The following GALK2 variants were observed in gnomAD, a reference collection of about 807,000 sequenced individuals.
The protein encoded by GALK2 is N-acetylgalactosamine kinase.
A neutral mutation model predicts 52.4 loss-of-function variants in GALK2; 36 were observed. The observed-to-expected ratio is 0.69, with a 90% CI of 0.53 to 0.91. GALK2 has a LOEUF of 0.91. Among genes scored for constraint, GALK2 ranks in the 40% least tolerant of loss-of-function variants. The pLI, the probability that GALK2 is intolerant of heterozygous loss-of-function variation, is 0.00. For synonymous variants in GALK2, 176 were observed against 199.1 expected, an observed-to-expected ratio of 0.88 and a Z score of 0.98; for missense variants, 579 against 559.1, an observed-to-expected ratio of 1.04 and a Z score of -0.36.
Position 49,319,630 on chromosome 15 carries a change from G to A in GALK2, c.994G>A (p.Ala332Thr), listed in dbSNP as rs368842223. The change falls in exon 9 of 10, where the codon GCA (alanine) becomes ACA (threonine). Residue 332 changes from alanine (A) to threonine (T), a missense_variant. Coordinates refer to ENST00000560031, the MANE Select transcript of GALK2 (RefSeq NM_002044.4). ...GCTCATCTTCAAACTCTATCAGCGG[G>A]CAAAGCATGTGTACAGCGAGGCTGC... The part of the protein sequence containing the change: ...DVLIFKLYQR[A>T]KHVYSEAARV... 1 of 1,613,972 alleles carries A rather than the reference G, an allele frequency of 6.2e-7. No homozygotes were observed. The highest frequency in any genetic ancestry group is 1.3e-5 in the African/African-American group (1 of 74,898).
chr15:49,327,875 A>G (rs974711680), intron 9 of GALK2, 77 bp from the exon 10 acceptor site: 4 of 1,366,298 alleles, frequency 2.9e-6, no homozygotes, highest in Non-Finnish European at 3.0e-6. Context: ...TAGATAGGCT[A>G]TGTGTTCTAC....
chr15:49,244,448 AGGATC>A (rs1435194302), intron 5 of GALK2, among the ~76,000 whole-genome samples: 1 of 152,208 alleles, frequency 6.6e-6, no homozygotes, highest in Non-Finnish European at 1.5e-5. Context: ...TCATAATCAA[AGGATC>A]AGAAATGTAA....
intron 8 of GALK2, among the ~76,000 whole-genome samples, chr15:49,299,709 G>GCTTTT (rs755536024): frequency 1.2e-5 from 1 of 85,194 alleles, no homozygotes. Context: ...TCTTGGTATT[G>GCTTTT]CTTTCTTTCT....
At chr15:49,321,614 A>G (rs1199463140) in intron 9 of GALK2, among the ~76,000 whole-genome samples, 2 of 152,188 alleles carry the variant, frequency 1.3e-5, no homozygotes, top group Admixed American at 6.5e-5. Context: ...GAGTACCATA[A>G]AATATTAGAT....
intron 8 of GALK2, among the ~76,000 whole-genome samples, chr15:49,314,329 A>T (rs752204180): frequency 7.2e-4 from 110 of 152,354 alleles, no homozygotes; most frequent in Admixed American, 1.3e-3. Flanking sequence ...GTAAAGCAAA[A>T]TACAATATAA....
At chr15:49,291,788 C>T (rs1375570956) in intron 7 of GALK2, among the ~76,000 whole-genome samples, 1 of 152,082 alleles carries the variant, frequency 6.6e-6, no homozygotes, top group East Asian at 1.9e-4. Context: ...AAGTGCTTCC[C>T]ATAAAGTCAC....
intron 3 of GALK2, among the ~76,000 whole-genome samples, chr15:49,356,365 C>T (rs1234733123): frequency 2.0e-5 from 3 of 149,626 alleles, no homozygotes; most frequent in African/African-American, 4.9e-5. Flanking sequence ...CACACATAGG[C>T]TCAAAATAAA....
intron 8 of GALK2, 40 bp downstream of exon 8, chr15:49,292,577 C>G (rs1192166681): frequency 6.6e-7 from 1 of 1,511,644 alleles, no homozygotes. Flanking sequence ...GTTATTCCCT[C>G]ACTTACAGCT....
At chr15:49,285,069 C>T (rs903829601) in intron 7 of GALK2, among the ~76,000 whole-genome samples, 1 of 152,054 alleles carries the variant, frequency 6.6e-6, no homozygotes, top group Non-Finnish European at 1.5e-5. Flanking sequence ...ATCTTTACTC[C>T]TCTACCTCCC....
At position 49,329,078 on chromosome 15, in the gene GALK2, T is replaced by C. The variant is rs2151122901; in HGVS notation, c.*919T>C. 1 of 996,802 alleles carries C rather than the reference T, an allele frequency of 1.0e-6. No individual in the cohort carries two copies. Among genetic ancestry groups the C allele is most frequent in the Admixed American group, 5.6e-5 (1 of 17,924 alleles). 61.7% of individuals were successfully genotyped at this position (996,802 alleles called of 1,614,324 possible). On this transcript the variant is annotated 3_prime_UTR_variant, in exon 10 of 10. Transcript: ENST00000560031. The stretch of plus-strand genomic sequence containing the variant: ...AATCCAAGAGGCACTTCCAAGAAAT[T>C]CCACACATTCCTTATATCCCTTTTT...
chr15:49,245,173 T>TA (rs1330809542), intron 5 of GALK2, among the ~76,000 whole-genome samples: 1 of 152,128 alleles, frequency 6.6e-6, no homozygotes, highest in Non-Finnish European at 1.5e-5. Context: ...GTAAGAGAGC[T>TA]AAAATCCTCA....
intron 9 of GALK2, among the ~76,000 whole-genome samples, chr15:49,322,386 T>A (rs2036948371): frequency 1.3e-5 from 2 of 152,240 alleles, no homozygotes; most frequent in African/African-American, 4.8e-5. Flanking sequence ...ATCTTCTGGC[T>A]TGTTGGCCAG....
rs1408265181 is a variant in GALK2, at chr15:49,319,724, T to G, written c.1088T>G (p.Leu363Trp). 1.2e-6 allele frequency: 2 copies of G among 1,614,018 alleles called. No homozygotes were observed. Among genetic ancestry groups the G allele is most frequent in the Admixed American group, 3.3e-5 (2 of 60,016 alleles). Residue 363 changes from leucine to tryptophan, a missense_variant, in exon 9 of 10, where the codon TTG becomes TGG. Transcript: ENST00000560031. ...PENMVQLLGELMNQSHMSCRD... is the reference protein window; with the variant it reads ...PENMVQLLGEWMNQSHMSCRD... The stretch of plus-strand genomic sequence containing the variant: ...AACATGGTCCAGCTGCTGGGAGAGT[T>G]GATGAACCAGAGCCACATGAGCTGC...
At chr15:49,276,018 C>T (rs2031598238) in intron 5 of GALK2, among the ~76,000 whole-genome samples, 1 of 152,212 alleles carries the variant, frequency 6.6e-6, no homozygotes, top group African/African-American at 2.4e-5. Context: ...TAAATAATGT[C>T]AGGTGTCTCC....
At chr15:49,214,358 G>A (rs1198898617) in intron 2 of GALK2, among the ~76,000 whole-genome samples, 2 of 133,424 alleles carry the variant, frequency 1.5e-5, no homozygotes, top group Non-Finnish European at 3.1e-5. Context: ...TTGAGATGGA[G>A]TCTCACTCTG....
chr15:49,194,898 T>C (rs1233890014), intron 1 of GALK2, among the ~76,000 whole-genome samples: 1 of 152,086 alleles, frequency 6.6e-6, no homozygotes, highest in African/African-American at 2.4e-5. Flanking sequence ...CCTGGCTACA[T>C]ATTTGTTTTT....
At chr15:49,223,388 T>C (rs993181965) in intron 3 of GALK2, among the ~76,000 whole-genome samples, 4 of 152,192 alleles carry the variant, frequency 2.6e-5, no homozygotes, top group African/African-American at 9.7e-5. Context: ...ATTTCAACTT[T>C]TATTTTAGAT....
chr15:49,304,130 C>T (rs2035348615), intron 8 of GALK2, among the ~76,000 whole-genome samples: 1 of 152,158 alleles, frequency 6.6e-6, no homozygotes, highest in African/African-American at 2.4e-5. Flanking sequence ...TCATCATCAA[C>T]CTAAGAGGCC....
chr15:49,171,945 G>A (rs2085128813), intron 1 of GALK2, among the ~76,000 whole-genome samples: 1 of 151,996 alleles, frequency 6.6e-6, no homozygotes, highest in Non-Finnish European at 1.5e-5. Context: ...TTATTTTTTT[G>A]TGTTTTTGGT....
Sources: allele counts gnomAD v4.1 joint callset (sites outside exome capture counted in the v4.1 genomes callset), GRCh38; gene constraint gnomAD v4.1.1; transcripts MANE v1.5; gene names NCBI Gene and HGNC (gene_info 2026-07-23, HGNC 2026-07-21).